Variants in TANGO6 observed in about 807,000 individuals in gnomAD.
The protein encoded by TANGO6 is transport and Golgi organization protein 6 homolog.
In TANGO6, 90 loss-of-function variants were observed where a neutral mutation model predicts 114.2. The ratio of observed to expected loss-of-function variants is 0.79; its 90% CI spans 0.66 to 0.94. The LOEUF (loss-of-function observed/expected upper bound fraction) is 0.94. Ranked by LOEUF, TANGO6 falls within the 40% of genes least tolerant of loss-of-function variation. TANGO6 has a pLI of 0.00. For missense variants in TANGO6, 1,274 were observed against 1,315.3 expected (o/e 0.97, Z 0.49); for synonymous variants, 477 against 509.8 (o/e 0.94, Z 0.87).
chr16:68,851,884 A>G (rs763195843), intron 1 of TANGO6, among the ~76,000 whole-genome samples: 1 of 152,220 alleles, frequency 6.6e-6, no homozygotes, highest in Non-Finnish European at 1.5e-5. Flanking sequence ...ATATTTCAGT[A>G]TAACTTTAAT....
chr16:68,970,342 C>G (rs530865392), intron 14 of TANGO6, among the ~76,000 whole-genome samples: 1 of 152,268 alleles, frequency 6.6e-6, no homozygotes, highest in Admixed American at 6.5e-5. Flanking sequence ...TGACTGTTCT[C>G]TGCTAAAGAC....
At chr16:68,955,701 G>T (rs929245477) in intron 14 of TANGO6, among the ~76,000 whole-genome samples, 1 of 152,154 alleles carries the variant, frequency 6.6e-6, no homozygotes, top group East Asian at 1.9e-4. Flanking sequence ...TGGAAAGTCT[G>T]ATATACTATT....
rs28548964 is a variant in TANGO6, at chr16:68,862,448, C to T, written c.736-497C>T. Among the ~76,000 whole-genome samples the T allele has an allele frequency of 2.0e-3, 301 of 152,208 alleles. 2 individuals are homozygous for T. Among genetic ancestry groups the T allele is most frequent in the African/African-American group, 6.9e-3 (285 of 41,522 alleles). ...CTGACCTCAGGAGATCCGCCCCCCT[C>T]GGCCTCCCAAAGTGCTGGGATTACA... is the stretch of plus-strand genomic sequence containing the variant. On this transcript the variant is annotated intron_variant, in intron 2 of 17. Transcript: ENST00000261778.
chr16:68,962,254 A>T (rs1189943799), intron 14 of TANGO6, among the ~76,000 whole-genome samples: 1 of 152,168 alleles, frequency 6.6e-6, no homozygotes, highest in Non-Finnish European at 1.5e-5. Context: ...GTAACAACTG[A>T]AGTATCCTGC....
chr16:69,053,497 T>C (rs1192464402), intron 17 of TANGO6, among the ~76,000 whole-genome samples: 1 of 152,178 alleles, frequency 6.6e-6, no homozygotes, highest in African/African-American at 2.4e-5. Flanking sequence ...TCATAAAAGG[T>C]TCAGACACAT....
chr16:68,930,675 A>G (rs1454563288), intron 14 of TANGO6, among the ~76,000 whole-genome samples: 1 of 138,400 alleles, frequency 7.2e-6, no homozygotes, highest in Non-Finnish European at 1.5e-5. Flanking sequence ...TCGCTCTGTC[A>G]CCCAGGCTGG....
intron 17 of TANGO6, among the ~76,000 whole-genome samples, chr16:69,074,858 T>A (rs537415411): frequency 8.7e-4 from 132 of 151,612 alleles, no homozygotes; most frequent in African/African-American, 2.4e-3. Flanking sequence ...TATTATTATT[T>A]TTTTTTGGAG....
chr16:68,867,642 C>G (rs1962200223), intron 4 of TANGO6: 1 of 157,082 alleles, frequency 6.4e-6, no homozygotes, highest in African/African-American at 2.4e-5. Context: ...GAGTTCAAGA[C>G]CAGCCTGGCC....
intron 17 of TANGO6, among the ~76,000 whole-genome samples, chr16:69,048,922 C>T (rs1959903516): frequency 6.6e-6 from 1 of 152,092 alleles, no homozygotes; most frequent in Admixed American, 6.6e-5. Context: ...AGCTGATGAA[C>T]AGCAAAAAGT....
chr16:69,076,772 G>T (rs1210308243), intron 17 of TANGO6, among the ~76,000 whole-genome samples: 1 of 152,126 alleles, frequency 6.6e-6, no homozygotes, highest in African/African-American at 2.4e-5. Flanking sequence ...TGCTTATGGG[G>T]CACAGTGAAC....
chr16:68,897,693 C>G (rs922856566), intron 7 of TANGO6, among the ~76,000 whole-genome samples: 5 of 151,956 alleles, frequency 3.3e-5, no homozygotes, highest in African/African-American at 9.7e-5. Context: ...ATTCTCCTGC[C>G]TCAGCTTCCC....
At chr16:68,977,851 A>G (rs1482443974) in intron 15 of TANGO6, among the ~76,000 whole-genome samples, 2 of 151,420 alleles carry the variant, frequency 1.3e-5, no homozygotes, top group African/African-American at 4.9e-5. Context: ...ACGCCCGGCT[A>G]ATTTTTGTAT....
chr16:68,899,672 T>A (rs1962757666), intron 7 of TANGO6, among the ~76,000 whole-genome samples: 1 of 152,052 alleles, frequency 6.6e-6, no homozygotes, highest in Non-Finnish European at 1.5e-5. Flanking sequence ...TGATCATAGC[T>A]TATTGCAGCT....
chr16:69,025,045 T>TG (rs762593791), intron 16 of TANGO6, among the ~76,000 whole-genome samples: 14 of 152,204 alleles, frequency 9.2e-5, no homozygotes, highest in Non-Finnish European at 1.6e-4. Context: ...CAGACTCAAG[T>TG]GATCCTCCTG....
intron 17 of TANGO6, among the ~76,000 whole-genome samples, chr16:69,069,495 A>G (rs561318061): frequency 6.6e-6 from 1 of 152,348 alleles, no homozygotes; most frequent in South Asian, 2.1e-4. Flanking sequence ...AAACAGAACT[A>G]GTCGGATTCT....
At chr16:69,023,010 G>C (rs371789473) in intron 16 of TANGO6, 31 bp downstream of exon 16, 42 of 1,531,966 alleles carry the variant, frequency 2.7e-5, no homozygotes, top group Non-Finnish European at 3.6e-5. Context: ...TCTCTAAAGC[G>C]TGTTTTCACT....
intron 4 of TANGO6, among the ~76,000 whole-genome samples, chr16:68,874,915 A>T (rs1416610390): frequency 1.3e-5 from 2 of 152,170 alleles, no homozygotes; most frequent in African/African-American, 2.4e-5. Flanking sequence ...ATGCCACTAC[A>T]TTCCAGCCTG....
chr16:69,031,694 G>A (rs1959596219), intron 16 of TANGO6, among the ~76,000 whole-genome samples: 1 of 151,558 alleles, frequency 6.6e-6, no homozygotes, highest in Non-Finnish European at 1.5e-5. Flanking sequence ...GTTTTGCTCT[G>A]TCGCCCAGGC....
At chr16:68,955,096 G>T (rs1339953096) in intron 14 of TANGO6, among the ~76,000 whole-genome samples, 1 of 152,126 alleles carries the variant, frequency 6.6e-6, no homozygotes, top group Non-Finnish European at 1.5e-5. Flanking sequence ...CACAACTAGG[G>T]ATTACTAAAG....
Sources: gnomAD v4.1 joint callset for allele counts (sites outside exome capture counted in the v4.1 genomes callset) on GRCh38, gnomAD v4.1.1 for gene constraint, MANE v1.5 for transcripts, NCBI Gene and HGNC (gene_info 2026-07-23, HGNC 2026-07-21) for gene names.